ITGBL1: variants seen among roughly 807,000 people sequenced by gnomAD.
The protein encoded by ITGBL1 is integrin subunit beta like 1.
Under a neutral mutation model 68.5 loss-of-function variants are expected in ITGBL1, and 51 were observed. That is an observed-to-expected ratio of 0.74 (90% CI 0.59 to 0.94). ITGBL1 has a LOEUF of 0.94. ITGBL1 is among the 40% of genes least tolerant of loss of function. ITGBL1 has a pLI of 0.00. For missense variants in ITGBL1, 649 were observed against 647.4 expected, an observed-to-expected ratio of 1.00 and a Z score of -0.03; for synonymous variants, 209 against 227.3, an observed-to-expected ratio of 0.92 and a Z score of 0.72.
Position 101,613,099 on chromosome 13 carries a change from T to C in ITGBL1, c.1015+14800T>C, listed in dbSNP as rs150135424. Among the ~76,000 whole-genome samples the C allele has an allele frequency of 3.5e-3, 530 of 152,320 alleles. 8 individuals carry two copies. The highest frequency in any genetic ancestry group is 0.031 in the Admixed American group (479 of 15,294). ...AAAAAACTTTTTGGACCCTTAACTT[T>C]GTTATCTATAAAAATGGCATTAGAA... On this transcript the variant is annotated intron_variant, in intron 7 of 10. Coordinates refer to ENST00000376180, the MANE Select transcript of ITGBL1 (RefSeq NM_004791.3).
intron 2 of ITGBL1, among the ~76,000 whole-genome samples, chr13:101,506,258 T>A (rs1189758063): frequency 6.6e-6 from 1 of 152,048 alleles, no homozygotes; most frequent in Non-Finnish European, 1.5e-5. Flanking sequence ...GAGGCATATC[T>A]CTCTACATTT....
At chr13:101,634,751 G>T (rs376963891) in intron 7 of ITGBL1, among the ~76,000 whole-genome samples, 6 of 152,072 alleles carry the variant, frequency 3.9e-5, no homozygotes, top group Admixed American at 3.3e-4. Context: ...AAGAAACAAA[G>T]GAATTCCTTT....
At chr13:101,689,203 A>T (rs534646231) in intron 7 of ITGBL1, among the ~76,000 whole-genome samples, 4 of 119,042 alleles carry the variant, frequency 3.4e-5, no homozygotes, top group African/African-American at 1.3e-4. Context: ...ACAGAGCAAG[A>T]CTCTGCCTAA....
intron 7 of ITGBL1, among the ~76,000 whole-genome samples, chr13:101,635,013 A>C (rs933159106): frequency 2.1e-4 from 31 of 146,548 alleles, no homozygotes; most frequent in Non-Finnish European, 2.4e-4. Flanking sequence ...TTCAATTCGA[A>C]TTTCCTTTTT....
intron 2 of ITGBL1, among the ~76,000 whole-genome samples, chr13:101,508,876 G>A (rs139257225): frequency 6.6e-6 from 1 of 151,982 alleles, no homozygotes; most frequent in East Asian, 1.9e-4. Context: ...GTATTTTAAG[G>A]TTTTTTAAAA....
At chr13:101,485,137 T>C (rs1253475457) in intron 2 of ITGBL1, among the ~76,000 whole-genome samples, 4 of 152,102 alleles carry the variant, frequency 2.6e-5, no homozygotes, top group Non-Finnish European at 5.9e-5. Flanking sequence ...CAAAAACAAA[T>C]GTGAAATTAA....
chr13:101,574,924 C>A (rs2050331971), intron 3 of ITGBL1, among the ~76,000 whole-genome samples: 1 of 152,106 alleles, frequency 6.6e-6, no homozygotes, highest in South Asian at 2.1e-4. Context: ...GAGAAATTAT[C>A]AGGGGCACAT....
At chr13:101,688,805 A>G (rs751792381) in intron 7 of ITGBL1, among the ~76,000 whole-genome samples, 12 of 152,192 alleles carry the variant, frequency 7.9e-5, no homozygotes, top group Non-Finnish European at 1.5e-4. Flanking sequence ...ACCATTTCAA[A>G]TTCAAGTTCT....
At chr13:101,501,392 G>A (rs765349197) in intron 2 of ITGBL1, among the ~76,000 whole-genome samples, 5 of 152,224 alleles carry the variant, frequency 3.3e-5, no homozygotes, top group Non-Finnish European at 5.9e-5. Context: ...CTTATCTGCT[G>A]GCTCCCAGGA....
At chr13:101,458,196 A>G (rs1164229348) in intron 2 of ITGBL1, among the ~76,000 whole-genome samples, 3 of 152,232 alleles carry the variant, frequency 2.0e-5, no homozygotes, top group Admixed American at 6.5e-5. Context: ...ACAAATTTTT[A>G]TGAGGGCTCC....
intron 2 of ITGBL1, among the ~76,000 whole-genome samples, chr13:101,522,574 T>C (rs1196197123): frequency 1.3e-5 from 2 of 152,164 alleles, no homozygotes; most frequent in Non-Finnish European, 2.9e-5. Flanking sequence ...GAAGGGAGAC[T>C]TATCAAGTAG....
At chr13:101,535,087 T>C (rs1185155006) in intron 2 of ITGBL1, among the ~76,000 whole-genome samples, 1 of 152,130 alleles carries the variant, frequency 6.6e-6, no homozygotes, top group African/African-American at 2.4e-5. Context: ...TGGGATTGGC[T>C]TTCCATAATT....
At chr13:101,671,445 T>TTTTTTTTTTTTTTTTTTTTA (rs2033367765) in intron 7 of ITGBL1, among the ~76,000 whole-genome samples, 1 of 110,950 alleles carries the variant, frequency 9.0e-6, no homozygotes, top group Non-Finnish European at 1.9e-5. Flanking sequence ...TTGTTTTTTT[T>TTTTTTTTTTTTTTTTTTTTA]TGTTTTTTTT....
intron 2 of ITGBL1, among the ~76,000 whole-genome samples, chr13:101,486,330 A>G (rs2048702428): frequency 6.6e-6 from 1 of 152,170 alleles, no homozygotes; most frequent in African/African-American, 2.4e-5. Flanking sequence ...GACTTTGGGG[A>G]CTTGGGAGAG....
intron 7 of ITGBL1, among the ~76,000 whole-genome samples, chr13:101,629,947 T>G (rs972712460): frequency 2.0e-5 from 3 of 152,076 alleles, no homozygotes; most frequent in African/African-American, 7.2e-5. Flanking sequence ...CTCAGCCTCC[T>G]GAGTAGCTGG....
At chr13:101,461,409 G>C (rs973319041) in intron 2 of ITGBL1, among the ~76,000 whole-genome samples, 5 of 152,138 alleles carry the variant, frequency 3.3e-5, no homozygotes, top group Non-Finnish European at 7.4e-5. Flanking sequence ...CCCTAGGAGG[G>C]ACTGGGTGTA....
intron 2 of ITGBL1, among the ~76,000 whole-genome samples, chr13:101,563,840 C>A (rs1449879388): frequency 6.6e-6 from 1 of 151,686 alleles, no homozygotes; most frequent in Non-Finnish European, 1.5e-5. Context: ...AAAGACCTTA[C>A]AACAAACAAA....
intron 6 of ITGBL1, among the ~76,000 whole-genome samples, chr13:101,591,381 T>C (rs551016384): frequency 6.6e-6 from 1 of 152,308 alleles, no homozygotes; most frequent in South Asian, 2.1e-4. Context: ...TCAACTGAGG[T>C]CTAGAACAGA....
chr13:101,590,906 T>G (rs1363421875), intron 6 of ITGBL1, among the ~76,000 whole-genome samples: 1 of 152,122 alleles, frequency 6.6e-6, no homozygotes, highest in African/African-American at 2.4e-5. Context: ...AGGAACTTCT[T>G]TGTTTTGTTT....
Sources: allele counts gnomAD v4.1 joint callset (sites outside exome capture counted in the v4.1 genomes callset), GRCh38; gene constraint gnomAD v4.1.1; transcripts MANE v1.5; gene names NCBI Gene and HGNC (gene_info 2026-07-23, HGNC 2026-07-21).